The following FOXP1 variants were observed in gnomAD, a reference collection of about 807,000 sequenced individuals.
FOXP1 encodes forkhead box protein P1.
Under a neutral mutation model 98.2 loss-of-function variants are expected in FOXP1, and 15 were observed. The ratio of observed to expected loss-of-function variants is 0.15; its 90% CI spans 0.10 to 0.24. The LOEUF is 0.24. FOXP1 is among the 10% of genes least tolerant of loss of function. The probability of loss-of-function intolerance (pLI) is 1.00; values close to 1 mark genes in which losing one functional copy is unlikely to be tolerated. For missense variants in FOXP1, 633 were observed against 848.5 expected, an observed-to-expected ratio of 0.75 and a Z score of 3.15; for synonymous variants, 371 against 314.5, an observed-to-expected ratio of 1.18 and a Z score of -1.90.
rs940591250 is a variant in FOXP1, at chr3:71,197,750, GTAT to G, written c.180+449_180+451del. 4.6e-6 allele frequency: 4 copies of G among 863,826 alleles called. No homozygotes were observed. In the African/African-American group the frequency reaches 6.8e-5, roughly 15 times the overall value. 53.5% of individuals were successfully genotyped at this position (863,826 alleles called of 1,614,324 possible). A position where few individuals can be genotyped will look rare whatever the true frequency, so the allele number is the denominator to read the frequency against. On this transcript the variant is annotated intron_variant, in intron 6 of 20. Transcript: ENST00000649528. ...TCGCCATCTCCGCCTGTCTTTCTATGTATTTATTTCAACTCTCCTTACTCATCT... is the reference window on the plus strand; with the variant it reads ...TCGCCATCTCCGCCTGTCTTTCTATGTTATTTCAACTCTCCTTACTCATCT...
At chr3:71,053,839 G>A in intron 7 of FOXP1, 66 bp from the exon 8 acceptor site, 1 of 1,577,774 alleles carries the variant, frequency 6.3e-7, no homozygotes, top group Non-Finnish European at 8.7e-7. Context: ...CCCAGGTTCA[G>A]CAGCTGACTG....
rs769210533 is a variant in FOXP1 at position 70,978,003 on chromosome 3, G to A, written c.1173C>T (p.Leu391=). Residue 391 remains leucine, a synonymous_variant, in exon 15 of 21, where the codon CTC becomes CTT. Coordinates refer to ENST00000649528, the MANE Select transcript of FOXP1 (RefSeq NM_001349338.3). ...QPLNLVSSVT[L]SKSASEASPQ... is the part of the protein sequence containing the mutation. ...GAGAAGCCTCCGATGCGGACTTGGA[G>A]AGAGTGACACTTGATACCAGATTCA... is the stretch of plus-strand genomic sequence containing the variant. 4.5e-5 allele frequency: 73 copies of A among 1,613,974 alleles called. No individual in the cohort carries two copies. The South Asian group carries it at 7.8e-4, about 17-fold the overall frequency.
rs578228837 is a variant in FOXP1, at chr3:71,507,904, G to A, written c.-297-14349C>T. On this transcript the variant is annotated intron_variant, in intron 2 of 20. Transcript: ENST00000649528. Reference sequence around the variant, plus strand: ...AAACTGCTACTTTTTAAAGTTATTTGAGTACTTACTGTGTGCCAGCTGACA... The same window carrying A: ...AAACTGCTACTTTTTAAAGTTATTTAAGTACTTACTGTGTGCCAGCTGACA... 5.9e-5 allele frequency among the ~76,000 whole-genome samples: 9 copies of A among 152,298 alleles called. No individual in the cohort carries two copies. The South Asian group carries it at 1.9e-3, about 32-fold the overall frequency.
At chr3:71,227,139 G>T (rs531914416) in intron 5 of FOXP1, among the ~76,000 whole-genome samples, 1 of 152,278 alleles carries the variant, frequency 6.6e-6, no homozygotes, top group South Asian at 2.1e-4. Flanking sequence ...GCCCACTGCA[G>T]TCCCCTGCTC....
chr3:71,432,342 G>A (rs888913006), intron 3 of FOXP1, among the ~76,000 whole-genome samples: 1 of 152,092 alleles, frequency 6.6e-6, no homozygotes, highest in East Asian at 1.9e-4. Flanking sequence ...CCCCGGCCCT[G>A]CACAGAGCAT....
intron 6 of FOXP1, among the ~76,000 whole-genome samples, chr3:71,156,472 C>T (rs12054400): frequency 0.21 from 31,765 of 151,530 alleles, 3,808 homozygotes; most frequent in East Asian, 0.51. Context: ...AGGGGAAAGC[C>T]TTTCCAAAAA....
chr3:71,269,679 A>G (rs1423632630), intron 5 of FOXP1, among the ~76,000 whole-genome samples: 4 of 152,338 alleles, frequency 2.6e-5, no homozygotes, highest in South Asian at 4.1e-4. Flanking sequence ...TAAAAGGGCA[A>G]TTATATAAAG....
chr3:70,966,678 G>A (rs188284725), intron 19 of FOXP1, among the ~76,000 whole-genome samples: 1 of 152,230 alleles, frequency 6.6e-6, no homozygotes, highest in African/African-American at 2.4e-5. Flanking sequence ...TTCAGAGTCC[G>A]ACCAATTGCC....
rs34653634 is a variant in FOXP1, at chr3:71,159,104, CAAAAAAA to C, written c.180+39091_180+39097del. The stretch of plus-strand genomic sequence containing the variant: ...TAGGTGACAGGGCGGAACCCTATCT[CAAAAAAA>C]AAAAAAAAAAAAAAAAGTTGAAAAG... On this transcript the variant is annotated intron_variant, in intron 6 of 20. Transcript: ENST00000649528. Among the ~76,000 whole-genome samples, 4 of 78,002 alleles carry C rather than the reference CAAAAAAA, an allele frequency of 5.1e-5. No homozygotes were observed. In the South Asian group the frequency reaches 1.5e-3, roughly 28 times the overall value. 51.2% of individuals were successfully genotyped at this position (78,002 alleles called of 152,430 possible).
chr3:71,167,240 G>A (rs1414539004), intron 6 of FOXP1, among the ~76,000 whole-genome samples: 1 of 152,146 alleles, frequency 6.6e-6, no homozygotes, highest in Non-Finnish European at 1.5e-5. Context: ...TATATACGAA[G>A]GCGGTGATGT....
intron 5 of FOXP1, among the ~76,000 whole-genome samples, chr3:71,245,604 G>C (rs1038550561): frequency 9.3e-5 from 12 of 128,712 alleles, no homozygotes; most frequent in African/African-American, 3.6e-4. Flanking sequence ...AAATTACTTG[G>C]TCATTTAGAA....
chr3:71,196,172 A>AAAC (rs1287203213), intron 6 of FOXP1, among the ~76,000 whole-genome samples: 3 of 152,228 alleles, frequency 2.0e-5, no homozygotes, highest in Non-Finnish European at 4.4e-5. Context: ...AAACATTTAA[A>AAAC]AACAGTATAA....
At chr3:70,966,260 G>T in intron 19 of FOXP1, 1 of 592,104 alleles carries the variant, frequency 1.7e-6, no homozygotes, top group Non-Finnish European at 3.1e-6. Flanking sequence ...GAGCTAACTG[G>T]GGGCCAGGGG....
chr3:71,434,597 G>C (rs2085040979), intron 3 of FOXP1, among the ~76,000 whole-genome samples: 1 of 151,842 alleles, frequency 6.6e-6, no homozygotes. Context: ...AGTAAAACCA[G>C]AAGGTGGACA....
At position 71,424,865 on chromosome 3, in the gene FOXP1, C is replaced by T. The variant is rs771796762; in HGVS notation, c.-167-65621G>A. Among the ~76,000 whole-genome samples, 7 of 152,168 alleles carry T rather than the reference C, an allele frequency of 4.6e-5. No homozygotes were observed. In the East Asian group the frequency reaches 1.2e-3, roughly 25 times the overall value. Reference sequence around the variant, plus strand: ...GAAGCCAAACACTTTCATGAAACAACGTCCAGCCTGGGGTGGGAGGAAGTC... The same window carrying T: ...GAAGCCAAACACTTTCATGAAACAATGTCCAGCCTGGGGTGGGAGGAAGTC... On this transcript the variant is annotated intron_variant, in intron 3 of 20. Transcript: ENST00000649528.
chr3:71,197,569 A>G (rs2063369725), intron 6 of FOXP1, among the ~76,000 whole-genome samples: 1 of 152,224 alleles, frequency 6.6e-6, no homozygotes, highest in Non-Finnish European at 1.5e-5. Flanking sequence ...GGAGGCACCA[A>G]TAAGAGCTAA....
At chr3:71,525,761 G>A (rs1377071159) in intron 2 of FOXP1, among the ~76,000 whole-genome samples, 2 of 152,012 alleles carry the variant, frequency 1.3e-5, no homozygotes, top group African/African-American at 2.4e-5. Flanking sequence ...TCTTTTTGGT[G>A]TAAGATGATT....
rs748128355 is a variant in FOXP1, at chr3:70,977,869, C to A, written c.1307G>T (p.Arg436Leu). 1.2e-6 allele frequency: 2 copies of A among 1,614,102 alleles called. No individual in the cohort carries two copies. The highest frequency in any genetic ancestry group is 1.7e-6 in the Non-Finnish European group (2 of 1,180,012). ...TTSMHTVGPI[R>L]RRYSDKYNVP... ...GTTGTATTTGTCTGAGTACCGCCTGCGGATGGGTCCCACCGTGTGCATGCT... is the reference window on the plus strand; with the variant it reads ...GTTGTATTTGTCTGAGTACCGCCTGAGGATGGGTCCCACCGTGTGCATGCT... Residue 436 changes from arginine to leucine, a missense_variant, in exon 15 of 21, where the codon CGC (arginine) becomes CTC (leucine). Coordinates refer to ENST00000649528, the MANE Select transcript of FOXP1 (RefSeq NM_001349338.3).
intron 2 of FOXP1, among the ~76,000 whole-genome samples, chr3:71,519,360 A>C (rs952298375): frequency 6.6e-6 from 1 of 152,238 alleles, no homozygotes; most frequent in Non-Finnish European, 1.5e-5. Flanking sequence ...TACATAGTAC[A>C]TCATCACAGA....
Sources: gnomAD v4.1 joint callset for allele counts (sites outside exome capture counted in the v4.1 genomes callset) on GRCh38, gnomAD v4.1.1 for gene constraint, MANE v1.5 for transcripts, NCBI Gene and HGNC (gene_info 2026-07-23, HGNC 2026-07-21) for gene names.